The following RASAL2 variants were observed in gnomAD, a reference collection of about 807,000 sequenced individuals.
RASAL2 encodes ras GTPase-activating protein nGAP.
In RASAL2, 58 loss-of-function variants were observed where a neutral mutation model predicts 128.9. The observed-to-expected ratio is 0.45, with a 90% CI of 0.36 to 0.56. RASAL2 has a LOEUF of 0.56. RASAL2 is among the 20% of genes least tolerant of loss of function. The probability of loss-of-function intolerance (pLI) is 0.00; values close to 1 mark genes in which losing one functional copy is unlikely to be tolerated. For synonymous variants in RASAL2, 561 were observed against 580.8 expected (o/e 0.97, Z 0.49); for missense variants, 1,360 against 1,601.6 (o/e 0.85, Z 2.57).
intron 3 of RASAL2, among the ~76,000 whole-genome samples, chr1:178,370,317 T>A (rs759653186): frequency 2.0e-5 from 3 of 152,148 alleles, no homozygotes; most frequent in Non-Finnish European, 4.4e-5. Flanking sequence ...TTGAGTGTAA[T>A]CCTGTAGGCT....
intron 14 of RASAL2, among the ~76,000 whole-genome samples, chr1:178,462,694 A>G (rs1434964123): frequency 6.6e-6 from 1 of 152,096 alleles, no homozygotes; most frequent in Non-Finnish European, 1.5e-5. Context: ...TATTTTGACC[A>G]CCTACTGTAT....
intron 1 of RASAL2, among the ~76,000 whole-genome samples, chr1:178,115,373 G>C (rs1659488836): frequency 6.6e-6 from 1 of 152,062 alleles, no homozygotes; most frequent in African/African-American, 2.4e-5. Flanking sequence ...CCCCAGTCTG[G>C]TTCATCAATT....
At chr1:178,314,244 T>G (rs945433303) in intron 3 of RASAL2, among the ~76,000 whole-genome samples, 3 of 152,210 alleles carry the variant, frequency 2.0e-5, no homozygotes, top group African/African-American at 4.8e-5. Context: ...GTTAGGAATA[T>G]TTTTACTGTG....
intron 4 of RASAL2, among the ~76,000 whole-genome samples, chr1:178,398,108 C>T (rs1023324691): frequency 6.6e-6 from 1 of 151,784 alleles, no homozygotes; most frequent in Non-Finnish European, 1.5e-5. Flanking sequence ...ATATTGGCTG[C>T]TTATTTTCTA....
chr1:178,410,493 C>CA (rs746052362), intron 4 of RASAL2, among the ~76,000 whole-genome samples: 3 of 152,004 alleles, frequency 2.0e-5, no homozygotes, highest in Non-Finnish European at 4.4e-5. Flanking sequence ...AACCCAAAAG[C>CA]AAATGCAACA....
At chr1:178,268,786 A>C (rs1666107606) in intron 1 of RASAL2, among the ~76,000 whole-genome samples, 1 of 152,150 alleles carries the variant, frequency 6.6e-6, no homozygotes, top group African/African-American at 2.4e-5. Flanking sequence ...AAGATGGCAC[A>C]TAGGCAGAAA....
At position 178,151,059 on chromosome 1, in the gene RASAL2, T is replaced by G. The variant is rs373300434; in HGVS notation, c.202+56365T>G. 5.9e-5 allele frequency among the ~76,000 whole-genome samples: 9 copies of G among 152,294 alleles called. No homozygotes were observed. The East Asian group carries it at 9.6e-4, about 16-fold the overall frequency. On this transcript the variant is annotated intron_variant, in intron 1 of 17. Transcript: ENST00000367649. ...ATATGAGTGTTGAATAAGCTTTATTTAGACTGTTGACCATGAGTTCAATGT... is the reference window on the plus strand; with the variant it reads ...ATATGAGTGTTGAATAAGCTTTATTGAGACTGTTGACCATGAGTTCAATGT...
chr1:178,236,972 C>T (rs1198969466), intron 1 of RASAL2, among the ~76,000 whole-genome samples: 3 of 152,062 alleles, frequency 2.0e-5, no homozygotes, highest in Middle Eastern at 6.8e-3. Flanking sequence ...CCATGTTGGT[C>T]AGGCTGGTCT....
chr1:178,286,468 T>A (rs1313036480), intron 2 of RASAL2, among the ~76,000 whole-genome samples: 5 of 152,172 alleles, frequency 3.3e-5, no homozygotes, highest in Non-Finnish European at 7.3e-5. Context: ...TGGAGTGCAA[T>A]GGTGCCATCT....
intron 1 of RASAL2, among the ~76,000 whole-genome samples, chr1:178,187,079 C>T (rs1287099468): frequency 2.0e-5 from 3 of 152,252 alleles, no homozygotes; most frequent in South Asian, 2.1e-4. Flanking sequence ...CCTCCTGCCT[C>T]GGCCTCCCAA....
intron 14 of RASAL2, among the ~76,000 whole-genome samples, chr1:178,460,834 A>C (rs1252987087): frequency 6.6e-6 from 1 of 151,688 alleles, no homozygotes; most frequent in Non-Finnish European, 1.5e-5. Flanking sequence ...ATTTTTTTGA[A>C]ACAGAGTCTT....
intron 1 of RASAL2, among the ~76,000 whole-genome samples, chr1:178,119,042 AT>A (rs1222827767): frequency 6.6e-6 from 1 of 151,916 alleles, no homozygotes; most frequent in African/African-American, 2.4e-5. Context: ...TAATTTTTGT[AT>A]TTTTAGTAGA....
At chr1:178,162,427 A>G (rs1426145673) in intron 1 of RASAL2, among the ~76,000 whole-genome samples, 1 of 117,232 alleles carries the variant, frequency 8.5e-6, no homozygotes, top group Non-Finnish European at 1.7e-5. Context: ...ATAATATTAT[A>G]TATATTTTAT....
chr1:178,467,417 C>A lies in RASAL2; in HGVS notation c.3674C>A (p.Ala1225Glu). 1 of 1,612,666 alleles carries A rather than the reference C, an allele frequency of 6.2e-7. No individual in the cohort carries two copies. The highest frequency in any genetic ancestry group is 8.5e-7 in the Non-Finnish European group (1 of 1,178,712). ...VIDAKQKIIDAQEKRIVSLDS... is the reference protein window; with the variant it reads ...VIDAKQKIIDEQEKRIVSLDS... ...GATGCAAAGCAGAAAATAATTGATG[C>A]ACAGGTAAGCAGGCTTTGAATCTAA... Residue 1225 changes from alanine to glutamate, a missense_variant, in exon 17 of 18, where the codon GCA (alanine) becomes GAA (glutamate). By Grantham distance (107) the Ala-to-Glu change is moderately radical. Coordinates refer to ENST00000367649, the MANE Select transcript of RASAL2 (RefSeq NM_170692.4).
At chr1:178,100,629 G>C (rs1658861490) in intron 1 of RASAL2, among the ~76,000 whole-genome samples, 1 of 152,130 alleles carries the variant, frequency 6.6e-6, no homozygotes, top group African/African-American at 2.4e-5. Context: ...TGACATAGTA[G>C]GCTTTACCAA....
intron 11 of RASAL2, 57 bp from the exon 12 acceptor site, chr1:178,454,390 A>G (rs1677618132): frequency 7.0e-7 from 1 of 1,422,400 alleles, no homozygotes; most frequent in African/African-American, 1.4e-5. Context: ...TGTCAAATCA[A>G]AATGATCATA....
At chr1:178,172,731 G>C (rs769405186) in intron 1 of RASAL2, among the ~76,000 whole-genome samples, 22 of 152,056 alleles carry the variant, frequency 1.4e-4, no homozygotes, top group South Asian at 2.1e-4. Context: ...ATGAGATAGT[G>C]AAGTCCTTGC....
intron 3 of RASAL2, among the ~76,000 whole-genome samples, chr1:178,353,153 C>G (rs968560918): frequency 1.3e-5 from 2 of 152,224 alleles, no homozygotes; most frequent in South Asian, 4.1e-4. Flanking sequence ...GGGCTCTTCT[C>G]TTCTACCACA....
At chr1:178,340,210 G>A (rs1669794075) in intron 3 of RASAL2, among the ~76,000 whole-genome samples, 1 of 152,146 alleles carries the variant, frequency 6.6e-6, no homozygotes, top group Non-Finnish European at 1.5e-5. Context: ...GATAGATACA[G>A]TGTATGTGTT....
Sources: gnomAD v4.1 joint callset for allele counts (sites outside exome capture counted in the v4.1 genomes callset) on GRCh38, gnomAD v4.1.1 for gene constraint, MANE v1.5 for transcripts, NCBI Gene and HGNC (gene_info 2026-07-23, HGNC 2026-07-21) for gene names.